Variants in SPAG9 observed in about 807,000 individuals in gnomAD.
The protein encoded by SPAG9 is sperm associated antigen 9.
A neutral mutation model predicts 166.5 loss-of-function variants in SPAG9; 35 were observed. The observed-to-expected ratio is 0.21, with a 90% confidence interval of 0.16 to 0.28. The LOEUF is 0.28. Ranked by LOEUF, SPAG9 falls within the 10% of genes least tolerant of loss-of-function variation. SPAG9 has a pLI of 1.00. For missense variants in SPAG9, 1,235 were observed against 1,603.3 expected, an observed-to-expected ratio of 0.77 and a Z score of 3.92; for synonymous variants, 534 against 565.5, an observed-to-expected ratio of 0.94 and a Z score of 0.79.
chr17:51,011,444 G>A (rs2045480715), intron 9 of SPAG9, among the ~76,000 whole-genome samples: 1 of 150,670 alleles, frequency 6.6e-6, no homozygotes, highest in African/African-American at 2.5e-5. Context: ...GTGCAGTGGT[G>A]CAATCTTGGC....
chr17:51,029,993 C>T (rs2046326902), intron 6 of SPAG9, among the ~76,000 whole-genome samples: 1 of 152,156 alleles, frequency 6.6e-6, no homozygotes, highest in Non-Finnish European at 1.5e-5. Context: ...TTACCACACA[C>T]ACAAAATAAA....
chr17:51,060,271 G>A (rs1043436605), intron 2 of SPAG9, among the ~76,000 whole-genome samples: 10 of 152,046 alleles, frequency 6.6e-5, no homozygotes, highest in Admixed American at 3.9e-4. Flanking sequence ...TTGGGAGGCC[G>A]AGGCAGGTGG....
At chr17:51,100,369 C>T (rs1472634303) in intron 1 of SPAG9, among the ~76,000 whole-genome samples, 3 of 152,124 alleles carry the variant, frequency 2.0e-5, no homozygotes, top group African/African-American at 7.2e-5. Context: ...CTTTGGGAGG[C>T]CAAGGTGGGC....
At chr17:51,063,787 CAGG>C (rs1227055782) in intron 2 of SPAG9, among the ~76,000 whole-genome samples, 3 of 152,072 alleles carry the variant, frequency 2.0e-5, no homozygotes, top group Non-Finnish European at 2.9e-5. Context: ...GAGGCTGAGG[CAGG>C]AGAACTGCTT....
chr17:51,012,723 TTTATTTA>T (rs2045540646), intron 9 of SPAG9, among the ~76,000 whole-genome samples: 1 of 50,838 alleles, frequency 2.0e-5, no homozygotes, highest in South Asian at 4.8e-4. Flanking sequence ...TACTAGATAC[TTTATTTA>T]TTTATTTATT....
In SPAG9 at chr17:51,041,666, G is replaced by A. The variant is rs1369000210; in HGVS notation, c.591-15C>T. 2 of 1,608,234 alleles carry A rather than the reference G, an allele frequency of 1.2e-6. No individual in the cohort carries two copies. Among genetic ancestry groups the A allele is most frequent in the East Asian group, 2.2e-5 (1 of 44,812 alleles). ...GGCGTTCTTTTCTATTTGAAGAGGG[G>A]AGAAAAAATTCGGCATTCATTTATT... On this transcript the variant is annotated splice_polypyrimidine_tract_variant and intron_variant, in intron 4 of 29. Coordinates refer to ENST00000262013, the MANE Select transcript of SPAG9 (RefSeq NM_001130528.3).
chr17:51,034,612 G>A (rs2046515753), intron 5 of SPAG9, among the ~76,000 whole-genome samples: 1 of 152,068 alleles, frequency 6.6e-6, no homozygotes, highest in Non-Finnish European at 1.5e-5. Context: ...AATTCAAACT[G>A]GACTGGAGGG....
chr17:50,973,120 T>C (rs1351757432), intron 28 of SPAG9, among the ~76,000 whole-genome samples: 1 of 152,196 alleles, frequency 6.6e-6, no homozygotes, highest in Non-Finnish European at 1.5e-5. Flanking sequence ...TGAACATTGA[T>C]AAATCTCAAA....
At chr17:51,022,881 C>G (rs1344283516) in intron 6 of SPAG9, among the ~76,000 whole-genome samples, 1 of 150,200 alleles carries the variant, frequency 6.7e-6, no homozygotes, top group African/African-American at 2.4e-5. Context: ...ACCCGGGAGG[C>G]AGAGGTTGCA....
chr17:51,005,151 A>G, intron 12 of SPAG9, 61 bp downstream of exon 12: 1 of 1,409,184 alleles, frequency 7.1e-7, no homozygotes, highest in South Asian at 1.2e-5. Flanking sequence ...ACGTAGGAAG[A>G]TCTTCCCGAA....
intron 2 of SPAG9, among the ~76,000 whole-genome samples, chr17:51,059,635 C>G (rs1478857714): frequency 6.6e-6 from 1 of 151,962 alleles, no homozygotes; most frequent in African/African-American, 2.4e-5. Context: ...GCCTATAATT[C>G]CAGCTACTTG....
chr17:51,014,142 T>G, intron 9 of SPAG9, 90 bp downstream of exon 9: 2 of 1,169,600 alleles, frequency 1.7e-6, no homozygotes, highest in Non-Finnish European at 2.4e-6. Context: ...CACTGAGCAG[T>G]TGGGGACATT....
intron 12 of SPAG9, among the ~76,000 whole-genome samples, chr17:51,003,168 G>T (rs1254829365): frequency 6.6e-6 from 1 of 152,052 alleles, no homozygotes; most frequent in Admixed American, 6.6e-5. Flanking sequence ...GAGCCCAGGA[G>T]TTCAAGGCTG....
Position 51,039,763 on chromosome 17 carries a change from G to T in SPAG9, c.741+1738C>A, listed in dbSNP as rs186501646. Among the ~76,000 whole-genome samples, 333 of 152,190 alleles carry T rather than the reference G, an allele frequency of 2.2e-3. 1 individual carries two copies. Among genetic ancestry groups the T allele is most frequent in the African/African-American group, 7.8e-3 (322 of 41,514 alleles). On this transcript the variant is annotated intron_variant, in intron 5 of 29. Coordinates refer to ENST00000262013, the MANE Select transcript of SPAG9 (RefSeq NM_001130528.3). ...AATAATCTCTTAAGGCGCACTTTTG[G>T]GTAGTATTAAAATATAGTTACCATA... is the stretch of plus-strand genomic sequence containing the variant.
intron 1 of SPAG9, among the ~76,000 whole-genome samples, chr17:51,109,996 G>T (rs2049061697): frequency 6.6e-6 from 1 of 152,162 alleles, no homozygotes; most frequent in Admixed American, 6.6e-5. Context: ...ACAGGCATTA[G>T]CTACTACACT....
chr17:51,095,976 T>TATATATATAGTG lies in SPAG9; in HGVS notation c.304-16273_304-16272insCACTATATATAT, dbSNP rs1568083841. On this transcript the variant is annotated intron_variant, in intron 1 of 29. Transcript: ENST00000262013. ...ATATAGTGATATATATATATAGTGA[T>TATATATATAGTG]ATATATATATATAGTGATATATATA... Among the ~76,000 whole-genome samples, 454 of 58,254 alleles carry TATATATATAGTG rather than the reference T, an allele frequency of 7.8e-3. 17 individuals are homozygous for TATATATATAGTG. Among genetic ancestry groups the TATATATATAGTG allele is most frequent in the African/African-American group, 0.044 (290 of 6,664 alleles). The allele number at this position is 58,254 out of a possible 152,430, so 38.2% of individuals were successfully genotyped here. A position where few individuals can be genotyped will look rare whatever the true frequency, so the allele number is the denominator to read the frequency against.
At chr17:51,040,246 CAAAAAA>C (rs373207596) in intron 5 of SPAG9, among the ~76,000 whole-genome samples, 1 of 75,594 alleles carries the variant, frequency 1.3e-5, no homozygotes, top group African/African-American at 5.5e-5. Flanking sequence ...GACTCTGTCT[CAAAAAA>C]AAAAAAAAAA....
intron 1 of SPAG9, among the ~76,000 whole-genome samples, chr17:51,116,617 A>G (rs766668018): frequency 2.6e-5 from 4 of 152,062 alleles, no homozygotes; most frequent in Non-Finnish European, 5.9e-5. Flanking sequence ...AAATTTAATT[A>G]GCCCAGTGTG....
intron 1 of SPAG9, among the ~76,000 whole-genome samples, chr17:51,119,286 T>C (rs1393440362): frequency 6.6e-6 from 1 of 152,138 alleles, no homozygotes; most frequent in African/African-American, 2.4e-5. Flanking sequence ...TTTTGAAAAA[T>C]ACTATGTCAT....
Sources: allele counts gnomAD v4.1 joint callset (sites outside exome capture counted in the v4.1 genomes callset), GRCh38; gene constraint gnomAD v4.1.1; transcripts MANE v1.5; gene names NCBI Gene and HGNC (gene_info 2026-07-23, HGNC 2026-07-21).